The following PDE1C variants were observed in gnomAD, a reference collection of about 807,000 sequenced individuals.
PDE1C encodes the protein dual specificity calcium/calmodulin-dependent 3',5'-cyclic nucleotide phosphodiesterase 1C.
A neutral mutation model predicts 93.1 loss-of-function variants in PDE1C; 62 were observed. That is an observed-to-expected ratio of 0.67 (90% CI 0.54 to 0.82). The LOEUF is 0.82. Ranked by LOEUF, PDE1C falls within the 40% of genes least tolerant of loss-of-function variation. PDE1C has a pLI of 0.00. For synonymous variants in PDE1C, 325 were observed against 310.1 expected (o/e 1.05, Z -0.50); for missense variants, 742 against 884.6 (o/e 0.84, Z 2.04).
intron 1 of PDE1C, among the ~76,000 whole-genome samples, chr7:32,356,190 C>A (rs879652786): frequency 6.6e-6 from 1 of 152,198 alleles, no homozygotes; most frequent in African/African-American, 2.4e-5. Flanking sequence ...CAGAGGATCA[C>A]CAAGGCTCCA....
the PDE1C span, among the ~76,000 whole-genome samples, chr7:31,716,006 T>C: frequency 3.3e-5 from 5 of 152,168 alleles, no homozygotes; most frequent in Admixed American, 3.3e-4. Context: ...AGATCCCTGA[T>C]CTTTTGATGG....
chr7:31,904,740 T>A (rs1435935785), intron 2 of PDE1C, among the ~76,000 whole-genome samples: 1 of 152,118 alleles, frequency 6.6e-6, no homozygotes, highest in African/African-American at 2.4e-5. Context: ...AAATTATGCA[T>A]CCTATCCTCT....
At chr7:32,096,826 G>GATAGATAGATAC (rs1797774413) in intron 3 of PDE1C, among the ~76,000 whole-genome samples, 1 of 149,344 alleles carries the variant, frequency 6.7e-6, no homozygotes, top group Admixed American at 6.7e-5. Context: ...TAGAAAGATA[G>GATAGATAGATAC]ATAGATAGAT....
chr7:32,357,763 C>T (rs930542440), intron 1 of PDE1C, among the ~76,000 whole-genome samples: 4 of 152,146 alleles, frequency 2.6e-5, no homozygotes, highest in Non-Finnish European at 4.4e-5. Flanking sequence ...TGTGGTAACA[C>T]GTAAATCACT....
chr7:32,296,803 T>A (rs935830239), intron 1 of PDE1C, among the ~76,000 whole-genome samples: 1 of 152,230 alleles, frequency 6.6e-6, no homozygotes, highest in African/African-American at 2.4e-5. Context: ...TGAAATACTT[T>A]TGACTTTGGC....
chr7:32,165,491 C>G (rs894022516), intron 3 of PDE1C, among the ~76,000 whole-genome samples: 2 of 152,132 alleles, frequency 1.3e-5, no homozygotes, highest in Non-Finnish European at 2.9e-5. Flanking sequence ...GCTAGGGAGG[C>G]CTCAGGAAAC....
intron 2 of PDE1C, among the ~76,000 whole-genome samples, chr7:32,171,121 T>A (rs75796266): frequency 0.12 from 18,230 of 152,240 alleles, 1,300 homozygotes; most frequent in East Asian, 0.26. Flanking sequence ...TAACATGACA[T>A]GGAAGCCCTC....
intron 1 of PDE1C, among the ~76,000 whole-genome samples, chr7:32,282,455 G>C (rs190698955): frequency 0.066 from 560 of 8,432 alleles, 7 homozygotes; most frequent in African/African-American, 0.1. Context: ...TCCAGCCTGG[G>C]CAACAAAGGC....
the PDE1C span, among the ~76,000 whole-genome samples, chr7:31,697,403 G>T: frequency 6.6e-6 from 1 of 152,202 alleles, no homozygotes; most frequent in South Asian, 2.1e-4. Context: ...GTGGGTCCTT[G>T]AGAAGAGCTG....
At chr7:31,664,522 G>T in the PDE1C span, among the ~76,000 whole-genome samples, 1 of 152,178 alleles carries the variant, frequency 6.6e-6, no homozygotes, top group Non-Finnish European at 1.5e-5. Flanking sequence ...ATAAGAATGG[G>T]ACACAGACTC....
At chr7:31,630,145 G>T in the PDE1C span, among the ~76,000 whole-genome samples, 5 of 140,948 alleles carry the variant, frequency 3.5e-5, no homozygotes, top group Admixed American at 1.5e-4. Flanking sequence ...TTGAATTTTT[G>T]ATGTTACTAC....
intron 2 of PDE1C, among the ~76,000 whole-genome samples, chr7:31,900,676 T>G (rs1258237645): frequency 1.3e-5 from 2 of 151,902 alleles, no homozygotes; most frequent in Admixed American, 1.3e-4. Context: ...TATATATTCA[T>G]ATATTGCAGC....
chr7:31,809,997 C>A (rs993964401), intron 15 of PDE1C, among the ~76,000 whole-genome samples: 1 of 152,102 alleles, frequency 6.6e-6, no homozygotes, highest in Non-Finnish European at 1.5e-5. Context: ...CACACTTACT[C>A]ATTTACCTAT....
At chr7:31,835,593 C>T (rs1303712349) in intron 11 of PDE1C, among the ~76,000 whole-genome samples, 1 of 151,482 alleles carries the variant, frequency 6.6e-6, no homozygotes, top group African/African-American at 2.4e-5. Flanking sequence ...AAGGAAATGC[C>T]TTGCATTTCC....
At chr7:32,123,067 G>C (rs1799385537) in intron 3 of PDE1C, among the ~76,000 whole-genome samples, 1 of 152,246 alleles carries the variant, frequency 6.6e-6, no homozygotes, top group Admixed American at 6.5e-5. Flanking sequence ...ACTACCATCA[G>C]AAAATACTAT....
At chr7:32,104,512 T>C (rs1798198324) in intron 3 of PDE1C, among the ~76,000 whole-genome samples, 1 of 152,196 alleles carries the variant, frequency 6.6e-6, no homozygotes, top group South Asian at 2.1e-4. Flanking sequence ...CAATAGAGGA[T>C]GTGCTCTCCC....
At chr7:32,290,720 A>G (rs540216766) in intron 1 of PDE1C, among the ~76,000 whole-genome samples, 1 of 152,250 alleles carries the variant, frequency 6.6e-6, no homozygotes, top group East Asian at 1.9e-4. Context: ...CAAAACCATC[A>G]CAAGTGACAC....
chr7:31,652,418 G>A, the PDE1C span: 1 of 1,466,268 alleles, frequency 6.8e-7, no homozygotes, highest in Non-Finnish European at 9.0e-7. Flanking sequence ...CCATTCTAGA[G>A]AATCGACCAC....
chr7:32,299,272 GA>G (rs1159921514), exon 1 of PDE1C: 3 of 986,852 alleles, frequency 3.0e-6, no homozygotes, highest in Non-Finnish European at 3.6e-6. Flanking sequence ...TCAACAGATG[GA>G]AAGGCAAACC....
Sources: gnomAD v4.1 joint callset for allele counts (sites outside exome capture counted in the v4.1 genomes callset) on GRCh38, gnomAD v4.1.1 for gene constraint, MANE v1.5 for transcripts, NCBI Gene and HGNC (gene_info 2026-07-23, HGNC 2026-07-21) for gene names.